CEP57L1: variants seen among roughly 807,000 people sequenced by gnomAD.
CEP57L1 encodes the protein centrosomal protein 57 like 1, also known as centrosomal protein CEP57L1.
A neutral mutation model predicts 61.0 loss-of-function variants in CEP57L1; 37 were observed. That is an observed-to-expected ratio of 0.61 (90% CI 0.47 to 0.80). The LOEUF (loss-of-function observed/expected upper bound fraction) is 0.80, where lower values mean the gene tolerates loss of function less well. Ranked by LOEUF, CEP57L1 falls within the 30% of genes least tolerant of loss-of-function variation. The probability of loss-of-function intolerance (pLI) is 0.00; values close to 1 mark genes in which losing one functional copy is unlikely to be tolerated. For missense variants in CEP57L1, 422 were observed against 524.7 expected (o/e 0.80, Z 1.91); for synonymous variants, 137 against 162.3 (o/e 0.84, Z 1.19).
intron 7 of CEP57L1, chr6:109,157,692 G>A (rs1420038374): frequency 6.6e-6 from 1 of 152,194 alleles, no homozygotes; most frequent in Non-Finnish European, 1.5e-5. Flanking sequence ...TATAGCTTGG[G>A]GTGAGCTAAT....
At chr6:109,133,832 G>A (rs938207685) in intron 1 of CEP57L1, among the ~76,000 whole-genome samples, 5 of 152,064 alleles carry the variant, frequency 3.3e-5, no homozygotes, top group African/African-American at 9.7e-5. Flanking sequence ...CAAATTCCTC[G>A]ACACATACAC....
chr6:109,112,262 G>T (rs1771744395), intron 1 of CEP57L1, among the ~76,000 whole-genome samples: 1 of 152,134 alleles, frequency 6.6e-6, no homozygotes, highest in South Asian at 2.1e-4. Flanking sequence ...GAGGGTGTAT[G>T]TGCCCCGGAA....
chr6:109,146,429 A>G (rs756013779), intron 2 of CEP57L1, among the ~76,000 whole-genome samples: 3 of 151,866 alleles, frequency 2.0e-5, no homozygotes, highest in African/African-American at 4.8e-5. Flanking sequence ...TCATATTTAT[A>G]CTCTTATGCT....
At chr6:109,108,501 C>T (rs998412687) in intron 1 of CEP57L1, among the ~76,000 whole-genome samples, 1 of 152,098 alleles carries the variant, frequency 6.6e-6, no homozygotes, top group African/African-American at 2.4e-5. Flanking sequence ...CGTGTAATCC[C>T]ACCACAGCCA....
Position 109,164,507 on chromosome 6 carries a change from C to T in CEP57L1, c.*1537C>T, listed in dbSNP as rs1403738743. On this transcript the variant is annotated 3_prime_UTR_variant, in exon 11 of 11. Coordinates refer to ENST00000517392, the MANE Select transcript of CEP57L1 (RefSeq NM_001271852.3). ...CTCCCACTCATTCACACCCTTAGCT[C>T]CTCAGCCCTGGAGATGTTCCATAGG... is the stretch of plus-strand genomic sequence containing the variant. Among the ~76,000 whole-genome samples the T allele has an allele frequency of 2.6e-5, 4 of 152,178 alleles. No individual in the cohort carries two copies. Among genetic ancestry groups the T allele is most frequent in the Non-Finnish European group, 5.9e-5 (4 of 68,040 alleles).
At chr6:109,161,383 G>C (rs1562151213) in intron 10 of CEP57L1, among the ~76,000 whole-genome samples, 1 of 152,162 alleles carries the variant, frequency 6.6e-6, no homozygotes, top group African/African-American at 2.4e-5. Context: ...TTACACTGCT[G>C]GAGCAGAAAG....
At chr6:109,120,849 A>G (rs1772866117) in intron 1 of CEP57L1, among the ~76,000 whole-genome samples, 1 of 151,950 alleles carries the variant, frequency 6.6e-6, no homozygotes, top group Non-Finnish European at 1.5e-5. Flanking sequence ...AATTATAGAT[A>G]GGGATGTGGA....
In CEP57L1 at chr6:109,173,934, TAAAAAAA is replaced by T. The variant is rs113721386; in HGVS notation, c.*10974_*10980del. Among the ~76,000 whole-genome samples, 18,534 of 136,932 alleles carry T rather than the reference TAAAAAAA, an allele frequency of 0.14. 1,274 individuals carry two copies. The highest frequency in any genetic ancestry group is 0.23 in the Middle Eastern group (61 of 264). 89.8% of individuals were successfully genotyped at this position (136,932 alleles called of 152,430 possible). A position where few individuals can be genotyped will look rare whatever the true frequency, so the allele number is the denominator to read the frequency against. On this transcript the variant is annotated 3_prime_UTR_variant, in exon 11 of 11. Coordinates refer to ENST00000517392, the MANE Select transcript of CEP57L1 (RefSeq NM_001271852.3). ...CAACATGGTGAAACCCCGTCTCTAC[TAAAAAAA>T]AAAAAAAAATTAGCTGGGTGTGGTG...
In CEP57L1 at chr6:109,110,863, C is replaced by T. The variant is rs532553120; in HGVS notation, c.-4+15288C>T. ...ATGTGTGGCGTTATTTCTGAGGCCT[C>T]TGTTCTGTTCCATTGGTCTATATAT... On this transcript the variant is annotated intron_variant, in intron 1 of 10. Transcript: ENST00000517392. Among the ~76,000 whole-genome samples, 5 of 152,280 alleles carry T rather than the reference C, an allele frequency of 3.3e-5. No homozygotes were observed. The South Asian group carries it at 1.0e-3, about 32-fold the overall frequency.
At position 109,110,387 on chromosome 6, in the gene CEP57L1, T is replaced by G. The variant is rs561396821; in HGVS notation, c.-4+14812T>G. ...TCCTTCACCCACTTTTTGACATGGTTGTTTGATTTTTTCTTGTAAATCTAA... is the reference window on the plus strand; with the variant it reads ...TCCTTCACCCACTTTTTGACATGGTGGTTTGATTTTTTCTTGTAAATCTAA... On this transcript the variant is annotated intron_variant, in intron 1 of 10. Coordinates refer to ENST00000517392, the MANE Select transcript of CEP57L1 (RefSeq NM_001271852.3). Among the ~76,000 whole-genome samples the G allele has an allele frequency of 6.6e-4, 101 of 152,362 alleles. 2 individuals are homozygous for G. The highest frequency in any genetic ancestry group is 3.4e-3 in the Middle Eastern group (1 of 294).
intron 4 of CEP57L1, among the ~76,000 whole-genome samples, chr6:109,150,714 A>G (rs939506987): frequency 6.6e-6 from 1 of 151,856 alleles, no homozygotes; most frequent in African/African-American, 2.4e-5. Flanking sequence ...AAAAAATTAC[A>G]CTCAAAGAGA....
Position 109,162,926 on chromosome 6 carries a change from C to T in CEP57L1, c.1339C>T (p.Leu447Phe). The change falls in exon 11 of 11, where the codon CTT becomes TTT. Residue 447 changes from leucine to phenylalanine, a missense_variant. Leu to Phe is a conservative substitution (Grantham distance 22). Coordinates refer to ENST00000517392, the MANE Select transcript of CEP57L1 (RefSeq NM_001271852.3). ...SSFHPIRVHN[L>F]QMKLRRDDIM... ...CTTTCATCCAATACGAGTTCATAAT[C>T]TTCAAATGAAATTGAGAAGAGATGA... The T allele has an allele frequency of 6.2e-7, 1 of 1,612,858 alleles. No individual in the cohort carries two copies. The highest frequency in any genetic ancestry group is 8.5e-7 in the Non-Finnish European group (1 of 1,179,232).
chr6:109,096,160 TAA>T (rs999483105), intron 1 of CEP57L1, among the ~76,000 whole-genome samples: 6 of 152,168 alleles, frequency 3.9e-5, no homozygotes, highest in Non-Finnish European at 8.8e-5. Context: ...AGTTTGCTTT[TAA>T]AAAGTTATTA....
At chr6:109,146,289 T>G (rs1771952002) in intron 2 of CEP57L1, among the ~76,000 whole-genome samples, 1 of 151,894 alleles carries the variant, frequency 6.6e-6, no homozygotes, top group Non-Finnish European at 1.5e-5. Flanking sequence ...TACTGCATCA[T>G]GGACAAAGAA....
At chr6:109,129,245 A>G in intron 1 of CEP57L1, 1 of 600,594 alleles carries the variant, frequency 1.7e-6, no homozygotes. Flanking sequence ...AATCTATCCA[A>G]TCAATTCATT....
rs760001448 is a variant in CEP57L1, at chr6:109,160,615, C to T, written c.1060C>T (p.His354Tyr). The change falls in exon 10 of 11, where the codon CAT (histidine) becomes TAT (tyrosine). Residue 354 changes from histidine (H) to tyrosine (Y), a missense_variant. By Grantham distance (83) the His-to-Tyr change is moderately conservative (BLOSUM62 2). Coordinates refer to ENST00000517392, the MANE Select transcript of CEP57L1 (RefSeq NM_001271852.3). ...LLKQMKETES[H>Y]SVCDDIECEL... Reference sequence around the variant, plus strand: ...GAAACAAATGAAGGAAACTGAAAGTCATTCAGTCTGTGACGACATAGAATG... The same window carrying T: ...GAAACAAATGAAGGAAACTGAAAGTTATTCAGTCTGTGACGACATAGAATG... 3.1e-6 allele frequency: 5 copies of T among 1,604,754 alleles called. No homozygotes were observed. The highest frequency in any genetic ancestry group is 2.3e-5 in the South Asian group (2 of 88,614).
At chr6:109,152,688 T>G (rs1426417511) in intron 4 of CEP57L1, among the ~76,000 whole-genome samples, 1 of 151,970 alleles carries the variant, frequency 6.6e-6, no homozygotes, top group Non-Finnish European at 1.5e-5. Context: ...TGTATAACTT[T>G]CCTTTTCTCT....
Position 109,155,844 on chromosome 6 carries a change from A to G in CEP57L1, c.711A>G (p.Leu237=). 1.9e-6 allele frequency: 3 copies of G among 1,588,638 alleles called. No individual in the cohort carries two copies. Among genetic ancestry groups the G allele is most frequent in the Non-Finnish European group, 2.6e-6 (3 of 1,162,262 alleles). The change falls in exon 7 of 11, where the codon CTA becomes CTG. Residue 237 remains leucine (L), a synonymous_variant. Coordinates refer to ENST00000517392, the MANE Select transcript of CEP57L1 (RefSeq NM_001271852.3). ...TTATAATGTCTTCAGTTTCAAATCT[A>G]AAGCACTCCAAGGAAAAGAAGAAAT... ...SKIIMSSVSN[L]KHSKEKKKSS...
upstream of CEP57L1, chr6:109,095,292 A>G (rs143997739): frequency 1.4e-4 from 139 of 985,932 alleles, no homozygotes; most frequent in East Asian, 0.01. Flanking sequence ...CACACATAAA[A>G]CAAGCACGAC....
Sources: gnomAD v4.1 joint callset for allele counts (sites outside exome capture counted in the v4.1 genomes callset) on GRCh38, gnomAD v4.1.1 for gene constraint, MANE v1.5 for transcripts, NCBI Gene and HGNC (gene_info 2026-07-23, HGNC 2026-07-21) for gene names.